The following LOC400499 variants were observed in gnomAD, a reference collection of about 807,000 sequenced individuals.
At chr16:11,402,163 G>C in the LOC400499 span, 4 of 399,128 alleles carry the variant, frequency 1.0e-5, no homozygotes, top group Non-Finnish European at 1.8e-5. Flanking sequence ...GCTCCACTGG[G>C]TGGGTGAGGA....
the LOC400499 span, among the ~76,000 whole-genome samples, chr16:11,504,281 C>T: frequency 1.6e-4 from 25 of 152,234 alleles, no homozygotes; most frequent in East Asian, 4.0e-3. Flanking sequence ...CAGGGCCTGG[C>T]GCGGTGGTTC....
the LOC400499 span, chr16:11,411,282 C>A: frequency 2.5e-6 from 1 of 399,372 alleles, no homozygotes; most frequent in Non-Finnish European, 4.4e-6. Flanking sequence ...GGCAGAGACC[C>A]AGGAGGAAGG....
At chr16:11,400,355 C>T in the LOC400499 span, among the ~76,000 whole-genome samples, 5 of 152,194 alleles carry the variant, frequency 3.3e-5, no homozygotes, top group Non-Finnish European at 5.9e-5. Context: ...ATCCCGGGGC[C>T]GCCTCCCCCA....
chr16:11,396,444 A>G, the LOC400499 span: 8 of 1,223,740 alleles, frequency 6.5e-6, no homozygotes, highest in Non-Finnish European at 8.2e-6. Context: ...CCTGCTGGCC[A>G]GGGAGGAACC....
chr16:11,447,817 G>A, the LOC400499 span: 4 of 1,339,956 alleles, frequency 3.0e-6, no homozygotes, highest in Non-Finnish European at 3.9e-6. Context: ...CTGGGCCCCA[G>A]CAGGTCAGCA....
At chr16:11,420,157 C>A in the LOC400499 span, among the ~76,000 whole-genome samples, 1 of 149,964 alleles carries the variant, frequency 6.7e-6, no homozygotes, top group Non-Finnish European at 1.5e-5. Flanking sequence ...ATGTTTATTG[C>A]GGCACTATTC....
At chr16:11,409,983 A>G in the LOC400499 span, among the ~76,000 whole-genome samples, 51,109 of 151,938 alleles carry the variant, frequency 0.34, 8,852 homozygotes, top group South Asian at 0.38. Flanking sequence ...AAAAACTAAG[A>G]AGCTCCCGGA....
the LOC400499 span, among the ~76,000 whole-genome samples, chr16:11,449,652 GT>G: frequency 6.6e-6 from 1 of 152,210 alleles, no homozygotes. Flanking sequence ...ACAAGACAGG[GT>G]TTGGGCGTGG....
At chr16:11,466,617 G>C in the LOC400499 span, among the ~76,000 whole-genome samples, 1 of 152,080 alleles carries the variant, frequency 6.6e-6, no homozygotes, top group Non-Finnish European at 1.5e-5. Context: ...TTGAACTCCT[G>C]ACCTCAGGTG....
At chr16:11,503,818 C>T in the LOC400499 span, among the ~76,000 whole-genome samples, 3 of 152,360 alleles carry the variant, frequency 2.0e-5, no homozygotes, top group South Asian at 6.2e-4. Flanking sequence ...CCAGCCCCTG[C>T]TGCAGGCTAA....
the LOC400499 span, among the ~76,000 whole-genome samples, chr16:11,400,252 C>T: frequency 6.6e-6 from 1 of 152,018 alleles, no homozygotes; most frequent in African/African-American, 2.4e-5. Context: ...CCCCAAAGCA[C>T]CCGGCTCATT....
chr16:11,415,659 A>G, the LOC400499 span, among the ~76,000 whole-genome samples: 154 of 152,314 alleles, frequency 1.0e-3, no homozygotes, highest in African/African-American at 3.6e-3. Context: ...CAGAGATACC[A>G]AGAATGTTAA....
At chr16:11,490,313 C>T in the LOC400499 span, among the ~76,000 whole-genome samples, 88,323 of 150,634 alleles carry the variant, frequency 0.59, 28,180 homozygotes, top group African/African-American at 0.86. Flanking sequence ...GGGGAATTGC[C>T]TGAACCCAGA....
chr16:11,458,129 G>A, the LOC400499 span, among the ~76,000 whole-genome samples: 19 of 152,348 alleles, frequency 1.2e-4, no homozygotes, highest in South Asian at 2.7e-3. Context: ...CGGATCACCC[G>A]AGGTCAGGAG....
At chr16:11,389,075 C>A in the LOC400499 span, among the ~76,000 whole-genome samples, 3 of 152,028 alleles carry the variant, frequency 2.0e-5, no homozygotes, top group Non-Finnish European at 4.4e-5. Context: ...CAACAAAGAA[C>A]AAGACTCCAT....
the LOC400499 span, among the ~76,000 whole-genome samples, chr16:11,375,959 G>A: frequency 2.6e-5 from 4 of 152,078 alleles, no homozygotes; most frequent in African/African-American, 7.2e-5. Context: ...GGCTGGTCTC[G>A]AACGCCTGAC....
chr16:11,512,948 G>T, the LOC400499 span, among the ~76,000 whole-genome samples: 1 of 152,172 alleles, frequency 6.6e-6, no homozygotes, highest in Non-Finnish European at 1.5e-5. Context: ...TTCTCCCCCA[G>T]GGGGTGCCGG....
chr16:11,527,501 C>T, the LOC400499 span, among the ~76,000 whole-genome samples: 108 of 152,230 alleles, frequency 7.1e-4, 1 homozygote, highest in African/African-American at 2.5e-3. Context: ...GAAGGCAAGA[C>T]GGTGTAGTGG....
the LOC400499 span, among the ~76,000 whole-genome samples, chr16:11,516,853 C>A: frequency 2.0e-5 from 3 of 152,182 alleles, no homozygotes; most frequent in African/African-American, 7.2e-5. Flanking sequence ...CGCTACGTTG[C>A]CCAGGCTGAT....
Sources: gnomAD v4.1 joint callset for allele counts (sites outside exome capture counted in the v4.1 genomes callset) on GRCh38, gnomAD v4.1.1 for gene constraint, MANE v1.5 for transcripts.